Variants in FYCO1 observed in about 807,000 individuals in gnomAD.
FYCO1 encodes the protein FYVE and coiled-coil domain autophagy adaptor 1, also known as FYVE and coiled-coil domain-containing protein 1.
A neutral mutation model predicts 165.1 loss-of-function variants in FYCO1; 122 were observed. The ratio of observed to expected loss-of-function variants is 0.74; its 90% CI spans 0.64 to 0.86. FYCO1 has a LOEUF of 0.86. FYCO1 is among the 40% of genes least tolerant of loss of function. The probability of loss-of-function intolerance (pLI) is 0.00; values close to 1 mark genes in which losing one functional copy is unlikely to be tolerated. For missense variants in FYCO1, 1,702 were observed against 1,810.3 expected (o/e 0.94, Z 1.09); for synonymous variants, 648 against 742.5 (o/e 0.87, Z 2.07).
At chr3:45,924,866 G>A (rs60091281) in intron 16 of FYCO1, among the ~76,000 whole-genome samples, 2,049 of 151,812 alleles carry the variant, frequency 0.013, 55 homozygotes, top group African/African-American at 0.047. Flanking sequence ...GCCCGCCTCA[G>A]CCTCCCAAAG....
intron 14 of FYCO1, among the ~76,000 whole-genome samples, chr3:45,937,379 C>T (rs911269239): frequency 1.6e-4 from 24 of 152,210 alleles, no homozygotes; most frequent in African/African-American, 5.1e-4. Context: ...GCAAGTGGGG[C>T]TCCCTCTAGC....
chr3:45,932,683 C>T (rs1399633586), intron 15 of FYCO1, among the ~76,000 whole-genome samples: 1 of 152,154 alleles, frequency 6.6e-6, no homozygotes, highest in East Asian at 1.9e-4. Flanking sequence ...TGGACAGACT[C>T]CCCAAAGCTA....
intron 14 of FYCO1, among the ~76,000 whole-genome samples, chr3:45,939,679 C>T (rs2171531): frequency 0.089 from 13,544 of 152,176 alleles, 1,013 homozygotes; most frequent in South Asian, 0.35. Context: ...CGCTAAGCCC[C>T]GCAGAGTGAG....
chr3:45,973,852 G>C (rs932888171), intron 5 of FYCO1, among the ~76,000 whole-genome samples: 1 of 152,084 alleles, frequency 6.6e-6, no homozygotes, highest in Non-Finnish European at 1.5e-5. Flanking sequence ...GAACCCAGGA[G>C]TTTGAGGCCA....
rs1299394313 is a variant in FYCO1, at chr3:45,918,813, C to T, written c.*2952G>A. ...CTGTGGAGTTTTTCAGTTCCCGTGT[C>T]TTTGCCTGCTCTTGGTCCAGTCCAC... On this transcript the variant is annotated 3_prime_UTR_variant, in exon 18 of 18. Coordinates refer to ENST00000296137, the MANE Select transcript of FYCO1 (RefSeq NM_024513.4). 1 of 152,190 alleles carries T rather than the reference C, an allele frequency of 6.6e-6. No individual in the cohort carries two copies. The highest frequency in any genetic ancestry group is 1.5e-5 in the Non-Finnish European group (1 of 68,046). 9.4% of individuals were successfully genotyped at this position (152,190 alleles called of 1,614,324 possible). A position where few individuals can be genotyped will look rare whatever the true frequency, so the allele number is the denominator to read the frequency against.
chr3:45,973,847 C>T (rs1706578975), intron 5 of FYCO1, among the ~76,000 whole-genome samples: 1 of 152,156 alleles, frequency 6.6e-6, no homozygotes, highest in Admixed American at 6.6e-5. Flanking sequence ...AGCTTGAACC[C>T]AGGAGTTTGA....
In FYCO1 at chr3:45,962,377, G is replaced by A. The variant is rs566962787; in HGVS notation, c.3285C>T (p.Leu1095=). The change falls in exon 11 of 18, where the codon CTC becomes CTT. Residue 1095 remains leucine (L), a synonymous_variant. Coordinates refer to ENST00000296137, the MANE Select transcript of FYCO1 (RefSeq NM_024513.4). The surrounding 1 kb of genome is among the most constrained non-coding windows in gnomAD (Gnocchi z 4.4). ...CTTGGATTTTTGTTGTGGCTTTTTC[G>A]AGTTCCTTCTGGGTCCTGGGGGAGG... ...REDLERTQKE[L]EKATTKIQEY... 3.1e-6 allele frequency: 5 copies of A among 1,614,086 alleles called. No individual in the cohort carries two copies. The highest frequency in any genetic ancestry group is 2.2e-5 in the East Asian group (1 of 44,878).
At position 45,921,305 on chromosome 3, in the gene FYCO1, C is replaced by G; in HGVS notation, c.*460G>C. 1 of 237,680 alleles carries G rather than the reference C, an allele frequency of 4.2e-6. No homozygotes were observed. Among genetic ancestry groups the G allele is most frequent in the Non-Finnish European group, 8.3e-6 (1 of 120,028 alleles). The allele number at this position is 237,680 out of a possible 1,614,324, so 14.7% of individuals were successfully genotyped here. ...TTCCCAGGAGTACCTGAGGGCGTCA[C>G]AGCCTGAGGATTCACAGGGCATGGC... On this transcript the variant is annotated 3_prime_UTR_variant, in exon 18 of 18. Transcript: ENST00000296137.
At chr3:45,991,205 T>C (rs1707546577) in intron 1 of FYCO1, among the ~76,000 whole-genome samples, 2 of 152,246 alleles carry the variant, frequency 1.3e-5, no homozygotes, top group Admixed American at 6.5e-5. Flanking sequence ...GTGAACATTA[T>C]GTTGTAATTA....
chr3:45,993,065 C>T lies in FYCO1; in HGVS notation c.-113+2657G>A, dbSNP rs1409316491. ...TAGTTGGCCAGATCAGCCCTTGGGT[C>T]CCAGCCACAGGGCCACAATACTATA... On this transcript the variant is annotated intron_variant, in intron 1 of 17. Transcript: ENST00000296137. The surrounding 1 kb of genome is among the most constrained non-coding windows in gnomAD (Gnocchi z 4.4). Among the ~76,000 whole-genome samples, 1 of 152,134 alleles carries T rather than the reference C, an allele frequency of 6.6e-6. No homozygotes were observed. The highest frequency in any genetic ancestry group is 6.5e-5 in the Admixed American group (1 of 15,270).
At chr3:45,994,066 A>C (rs1387978706) in intron 1 of FYCO1, among the ~76,000 whole-genome samples, 3 of 152,150 alleles carry the variant, frequency 2.0e-5, no homozygotes, top group African/African-American at 7.2e-5. Flanking sequence ...ACAAACATCT[A>C]TGGGGGCCAT....
At chr3:45,972,340 C>T (rs71325100) in intron 6 of FYCO1, among the ~76,000 whole-genome samples, 13,488 of 152,206 alleles carry the variant, frequency 0.089, 987 homozygotes, top group South Asian at 0.34. Flanking sequence ...AAATTAAATC[C>T]TAGTGGTTTG....
chr3:45,958,279 T>C (rs907782072), intron 13 of FYCO1, 129 bp downstream of exon 13: 101 of 756,004 alleles, frequency 1.3e-4, no homozygotes, highest in African/African-American at 1.2e-3. Flanking sequence ...TAATATATTT[T>C]AGCACCTCTT....
rs373431606 is a variant in FYCO1 at position 45,936,971 on chromosome 3, C to T, written c.3945-428G>A. Among the ~76,000 whole-genome samples the T allele has an allele frequency of 7.9e-5, 12 of 152,282 alleles. No individual in the cohort carries two copies. In the East Asian group the frequency reaches 1.9e-3, roughly 25 times the overall value. Reference sequence around the variant, plus strand: ...TATCCCTGGGGCACAAGAACAGGCACCCAGGGGAGATTTTTAACACCTTCT... The same window carrying T: ...TATCCCTGGGGCACAAGAACAGGCATCCAGGGGAGATTTTTAACACCTTCT... On this transcript the variant is annotated intron_variant, in intron 14 of 17. Coordinates refer to ENST00000296137, the MANE Select transcript of FYCO1 (RefSeq NM_024513.4).
chr3:45,936,391 C>T (rs1703889820), intron 15 of FYCO1, 57 bp downstream of exon 15: 5 of 1,181,146 alleles, frequency 4.2e-6, no homozygotes, highest in Non-Finnish European at 6.4e-6. Flanking sequence ...ACTGGAGAGG[C>T]CAGTGCTCCT....
At chr3:45,953,988 C>T (rs1041104960) in intron 14 of FYCO1, among the ~76,000 whole-genome samples, 5 of 152,188 alleles carry the variant, frequency 3.3e-5, no homozygotes, top group Non-Finnish European at 7.4e-5. Flanking sequence ...CTAAACTCAC[C>T]GTGCTGGAGC....
chr3:45,932,538 G>A (rs1320662160), intron 15 of FYCO1, among the ~76,000 whole-genome samples: 2 of 152,222 alleles, frequency 1.3e-5, no homozygotes, highest in African/African-American at 4.8e-5. Context: ...ACTGCCTTTT[G>A]TGGAGAAAAT....
chr3:45,921,569 C>T lies in FYCO1; in HGVS notation c.*196G>A. 1 of 600,290 alleles carries T rather than the reference C, an allele frequency of 1.7e-6. No individual in the cohort carries two copies. Among genetic ancestry groups the T allele is most frequent in the South Asian group, 1.8e-5 (1 of 54,288 alleles). The allele number at this position is 600,290 out of a possible 1,614,324, so 37.2% of individuals were successfully genotyped here. A position where few individuals can be genotyped will look rare whatever the true frequency, so the allele number is the denominator to read the frequency against. ...TAATGGAAACATTGCCTGAGCCCTT[C>T]AACGCCTCGGGGGCTAAGAGTGGCC... is the stretch of plus-strand genomic sequence containing the variant. On this transcript the variant is annotated 3_prime_UTR_variant, in exon 18 of 18. Coordinates refer to ENST00000296137, the MANE Select transcript of FYCO1 (RefSeq NM_024513.4).
At chr3:45,971,909 C>G (rs747891828) in intron 6 of FYCO1, among the ~76,000 whole-genome samples, 1 of 152,068 alleles carries the variant, frequency 6.6e-6, no homozygotes, top group African/African-American at 2.4e-5. Context: ...AATAACTGTA[C>G]TGAGTTATAT....
Sources: allele counts gnomAD v4.1 joint callset (sites outside exome capture counted in the v4.1 genomes callset), GRCh38; gene constraint gnomAD v4.1.1; non-coding constraint Gnocchi (gnomAD v3.1); transcripts MANE v1.5; gene names NCBI Gene and HGNC (gene_info 2026-07-23, HGNC 2026-07-21).